Variants in SYT16 observed in about 807,000 individuals in gnomAD.
SYT16 encodes synaptotagmin 16.
SYT16 carries 42 observed loss-of-function variants against 61.4 expected under a neutral mutation model. That is an observed-to-expected ratio of 0.68 (90% CI 0.53 to 0.89). SYT16 has a LOEUF of 0.89. Ranked by LOEUF, SYT16 falls within the 40% of genes least tolerant of loss-of-function variation. The pLI is 0.00. For missense variants in SYT16, 804 were observed against 807.3 expected, an observed-to-expected ratio of 1.00 and a Z score of 0.05; for synonymous variants, 314 against 302.3, an observed-to-expected ratio of 1.04 and a Z score of -0.40.
intron 1 of SYT16, among the ~76,000 whole-genome samples, chr14:61,927,295 C>G (rs144574433): frequency 6.6e-6 from 1 of 152,252 alleles, no homozygotes; most frequent in South Asian, 2.1e-4. Context: ...TTCCAGGTTA[C>G]GATATTCACA....
intron 3 of SYT16, among the ~76,000 whole-genome samples, chr14:62,006,089 C>G (rs2053211749): frequency 6.6e-6 from 1 of 152,114 alleles, no homozygotes; most frequent in South Asian, 2.1e-4. Flanking sequence ...GCTCTTATTT[C>G]TCTTTCTTCA....
At chr14:61,888,575 CA>C (rs926450214) in intron 1 of SYT16, among the ~76,000 whole-genome samples, 2 of 151,928 alleles carry the variant, frequency 1.3e-5, no homozygotes, top group Non-Finnish European at 2.9e-5. Context: ...TTGTGGCACC[CA>C]AAACAATTAC....
chr14:61,852,226 T>C (rs1039042246), intron 1 of SYT16, among the ~76,000 whole-genome samples: 9 of 152,160 alleles, frequency 5.9e-5, no homozygotes, highest in African/African-American at 1.9e-4. Context: ...ATCAGATGGT[T>C]GTAGGTGTGC....
intron 1 of SYT16, among the ~76,000 whole-genome samples, chr14:61,935,923 G>A (rs1267112497): frequency 2.0e-5 from 3 of 152,056 alleles, no homozygotes; most frequent in African/African-American, 7.2e-5. Flanking sequence ...AGTAAAGGGC[G>A]CAAGTATTCT....
chr14:61,928,786 C>G (rs537694648), intron 1 of SYT16, among the ~76,000 whole-genome samples: 4 of 152,152 alleles, frequency 2.6e-5, no homozygotes, highest in Non-Finnish European at 1.5e-5. Flanking sequence ...GCATTACTTC[C>G]TTTTGAGGCT....
chr14:61,994,151 G>C (rs545262562), intron 2 of SYT16, among the ~76,000 whole-genome samples: 1 of 152,238 alleles, frequency 6.6e-6, no homozygotes, highest in South Asian at 2.1e-4. Context: ...AAAAGCTAAC[G>C]GAGTTTGGAA....
At chr14:61,980,772 G>A (rs2052034460) in intron 2 of SYT16, among the ~76,000 whole-genome samples, 1 of 152,106 alleles carries the variant, frequency 6.6e-6, no homozygotes, top group South Asian at 2.1e-4. Flanking sequence ...ATTATAGATT[G>A]TTATAAACAT....
chr14:61,845,046 T>G (rs1042033366), intron 1 of SYT16, among the ~76,000 whole-genome samples: 2,746 of 132,672 alleles, frequency 0.021, 49 homozygotes, highest in Admixed American at 0.033. Flanking sequence ...AGACTTTTTT[T>G]TTTTTTTTTT....
At chr14:61,874,592 G>C (rs946344720) in intron 1 of SYT16, among the ~76,000 whole-genome samples, 1 of 152,098 alleles carries the variant, frequency 6.6e-6, no homozygotes, top group African/African-American at 2.4e-5. Context: ...TCAAAGATAA[G>C]TCTTCATACC....
intron 1 of SYT16, among the ~76,000 whole-genome samples, chr14:61,881,017 G>A (rs1459789627): frequency 1.3e-5 from 2 of 151,984 alleles, no homozygotes; most frequent in South Asian, 2.1e-4. Context: ...TATTTGACTA[G>A]CACCTAGATC....
rs1226296304 is a variant in SYT16, at chr14:61,892,205, C to A, written c.-324-77927C>A. Among the ~76,000 whole-genome samples, 8 of 152,186 alleles carry A rather than the reference C, an allele frequency of 5.3e-5. No homozygotes were observed. In the East Asian group the frequency reaches 1.4e-3, roughly 26 times the overall value. ...CTTCTTCCTCGCATCTTTCCCCTGACCCTCCGTCTCTCTGACTCTACCTTC... is the reference window on the plus strand; with the variant it reads ...CTTCTTCCTCGCATCTTTCCCCTGAACCTCCGTCTCTCTGACTCTACCTTC... On this transcript the variant is annotated intron_variant, in intron 1 of 7. Coordinates refer to ENST00000683842, the MANE Select transcript of SYT16 (RefSeq NM_001367656.1).
intron 1 of SYT16, among the ~76,000 whole-genome samples, chr14:61,901,572 TCTTAA>T (rs1268556895): frequency 6.6e-6 from 1 of 152,094 alleles, no homozygotes; most frequent in Non-Finnish European, 1.5e-5. Flanking sequence ...CTGTCCTACT[TCTTAA>T]CTTAATAATT....
intron 3 of SYT16, among the ~76,000 whole-genome samples, chr14:62,067,266 G>A (rs1357924162): frequency 1.3e-5 from 2 of 152,112 alleles, no homozygotes; most frequent in Non-Finnish European, 2.9e-5. Context: ...TAACAAAATA[G>A]GAAATATCCT....
At chr14:61,959,653 T>G (rs2051035828) in intron 1 of SYT16, among the ~76,000 whole-genome samples, 1 of 152,244 alleles carries the variant, frequency 6.6e-6, no homozygotes, top group Non-Finnish European at 1.5e-5. Flanking sequence ...TTGTGTTAAA[T>G]GAGATTTACA....
At chr14:62,050,258 T>C (rs1223700998) in intron 3 of SYT16, among the ~76,000 whole-genome samples, 2 of 152,228 alleles carry the variant, frequency 1.3e-5, no homozygotes, top group Non-Finnish European at 2.9e-5. Flanking sequence ...TTCCAGTTGA[T>C]GGCATCAGCT....
chr14:61,966,988 A>G (rs972903595), intron 1 of SYT16, among the ~76,000 whole-genome samples: 1 of 152,230 alleles, frequency 6.6e-6, no homozygotes, highest in African/African-American at 2.4e-5. Flanking sequence ...CTGTTCTTAT[A>G]AAGTTTAAAA....
intron 2 of SYT16, among the ~76,000 whole-genome samples, chr14:61,983,095 G>C (rs1235884165): frequency 2.0e-5 from 3 of 152,236 alleles, no homozygotes; most frequent in Non-Finnish European, 4.4e-5. Context: ...GAATGAATTA[G>C]TAGAGGTGAC....
chr14:61,999,341 T>A (rs1443931700), intron 3 of SYT16, among the ~76,000 whole-genome samples: 4 of 151,834 alleles, frequency 2.6e-5, no homozygotes, highest in Non-Finnish European at 5.9e-5. Flanking sequence ...TCTTAAGTGA[T>A]TTTTTGGCAC....
intron 1 of SYT16, among the ~76,000 whole-genome samples, chr14:61,820,484 T>TG (rs1267004310): frequency 3.7e-5 from 5 of 135,824 alleles, no homozygotes; most frequent in Admixed American, 7.4e-5. Context: ...TTTTTTTTTT[T>TG]TTTTTTTTTT....
Sources: gnomAD v4.1 joint callset for allele counts (sites outside exome capture counted in the v4.1 genomes callset) on GRCh38, gnomAD v4.1.1 for gene constraint, MANE v1.5 for transcripts, NCBI Gene and HGNC (gene_info 2026-07-23, HGNC 2026-07-21) for gene names.